Variants in GMDS observed in about 807,000 individuals in gnomAD.
GMDS encodes the protein GDP-mannose 4,6 dehydratase.
Under a neutral mutation model 49.9 loss-of-function variants are expected in GMDS, and 20 were observed. The observed-to-expected ratio is 0.40, with a 90% CI of 0.28 to 0.58. GMDS has a LOEUF of 0.58. GMDS is among the 20% of genes least tolerant of loss of function. The pLI is 0.42. For synonymous variants in GMDS, 177 were observed against 178.6 expected (o/e 0.99, Z 0.07); for missense variants, 362 against 481.4 (o/e 0.75, Z 2.32).
chr6:2,077,697 AG>A (rs1772426261), intron 4 of GMDS, among the ~76,000 whole-genome samples: 1 of 152,244 alleles, frequency 6.6e-6, no homozygotes, highest in East Asian at 1.9e-4. Flanking sequence ...TATTCTGTCG[AG>A]GATTTTTGAA....
At chr6:1,625,875 T>C (rs992367089) in intron 9 of GMDS, among the ~76,000 whole-genome samples, 2 of 152,192 alleles carry the variant, frequency 1.3e-5, no homozygotes, top group African/African-American at 2.4e-5. Flanking sequence ...CGTACGAAAA[T>C]AGCCGATCTT....
At chr6:2,199,849 G>A (rs1424161325) in intron 1 of GMDS, among the ~76,000 whole-genome samples, 2 of 152,188 alleles carry the variant, frequency 1.3e-5, no homozygotes, top group Non-Finnish European at 2.9e-5. Flanking sequence ...ACCAGGTACA[G>A]AGCAGATACA....
chr6:2,209,208 T>C (rs1359816433), intron 1 of GMDS, among the ~76,000 whole-genome samples: 1 of 152,242 alleles, frequency 6.6e-6, no homozygotes, highest in East Asian at 1.9e-4. Context: ...TTTTAAATGA[T>C]GGGAACCCAA....
chr6:1,892,925 G>A (rs560636310), intron 7 of GMDS, among the ~76,000 whole-genome samples: 1 of 152,286 alleles, frequency 6.6e-6, no homozygotes, highest in South Asian at 2.1e-4. Flanking sequence ...CCTGGCAACT[G>A]CTGCCTGGTC....
chr6:2,184,907 C>A (rs2127564178), intron 1 of GMDS, among the ~76,000 whole-genome samples: 1 of 152,254 alleles, frequency 6.6e-6, no homozygotes, highest in Middle Eastern at 3.4e-3. Context: ...AAGCTAATTC[C>A]TTTCACAATA....
chr6:1,653,527 G>A (rs1763780650), intron 9 of GMDS, among the ~76,000 whole-genome samples: 1 of 152,180 alleles, frequency 6.6e-6, no homozygotes, highest in Admixed American at 6.5e-5. Context: ...TAGCAAAGTT[G>A]GAGAGCTCAC....
At chr6:2,068,903 A>T (rs1043310386) in intron 4 of GMDS, among the ~76,000 whole-genome samples, 2 of 152,140 alleles carry the variant, frequency 1.3e-5, no homozygotes, top group African/African-American at 2.4e-5. Context: ...CTTCACAGAA[A>T]TGGAAAAAAC....
intron 7 of GMDS, among the ~76,000 whole-genome samples, chr6:1,871,414 T>C (rs957939457): frequency 6.6e-6 from 1 of 152,218 alleles, no homozygotes; most frequent in Non-Finnish European, 1.5e-5. Flanking sequence ...TTTTAAAAAT[T>C]GCTGTAAAAA....
intron 1 of GMDS, among the ~76,000 whole-genome samples, chr6:2,216,050 G>C (rs1043565358): frequency 1.3e-5 from 2 of 152,040 alleles, no homozygotes; most frequent in Admixed American, 1.3e-4. Flanking sequence ...TTAGAGGATG[G>C]GTATGTGGGG....
intron 4 of GMDS, among the ~76,000 whole-genome samples, chr6:1,965,930 G>C (rs1764235383): frequency 6.6e-6 from 1 of 152,170 alleles, no homozygotes; most frequent in South Asian, 2.1e-4. Flanking sequence ...CGAAAACATG[G>C]AAGGTCCAGA....
At chr6:1,883,124 C>T (rs780914604) in intron 7 of GMDS, among the ~76,000 whole-genome samples, 5 of 152,068 alleles carry the variant, frequency 3.3e-5, no homozygotes, top group Middle Eastern at 3.4e-3. Flanking sequence ...TTTTATGGGC[C>T]GGGTGCGGTG....
intron 7 of GMDS, among the ~76,000 whole-genome samples, chr6:1,927,686 A>T (rs3800139): frequency 6.6e-6 from 1 of 151,794 alleles, no homozygotes; most frequent in Non-Finnish European, 1.5e-5. Flanking sequence ...CTCACAGTGG[A>T]GCTAGCTTGG....
chr6:1,758,527 G>A (rs1768041531), intron 7 of GMDS, among the ~76,000 whole-genome samples: 1 of 152,152 alleles, frequency 6.6e-6, no homozygotes, highest in South Asian at 2.1e-4. Flanking sequence ...AAACGTTAGC[G>A]TGCATTAGAA....
intron 7 of GMDS, among the ~76,000 whole-genome samples, chr6:1,782,457 AAT>A (rs1769137914): frequency 6.6e-6 from 1 of 152,220 alleles, no homozygotes; most frequent in Non-Finnish European, 1.5e-5. Context: ...ATCTTTTAAT[AAT>A]ATCTTTCCAG....
At chr6:2,028,226 AT>A (rs1215713495) in intron 4 of GMDS, among the ~76,000 whole-genome samples, 2 of 152,198 alleles carry the variant, frequency 1.3e-5, no homozygotes, top group Non-Finnish European at 2.9e-5. Context: ...TGCTTAGCAT[AT>A]GACATTGATA....
intron 4 of GMDS, among the ~76,000 whole-genome samples, chr6:1,999,913 TTATATAC>T (rs1483456426): frequency 2.0e-5 from 2 of 97,562 alleles, no homozygotes; most frequent in African/African-American, 3.7e-5. Flanking sequence ...AATATATATA[TTATATAC>T]ATATTATATA....
chr6:1,978,311 G>A (rs1011227894), intron 4 of GMDS, among the ~76,000 whole-genome samples: 2 of 152,148 alleles, frequency 1.3e-5, no homozygotes, highest in African/African-American at 4.8e-5. Flanking sequence ...CCATGCCCAA[G>A]CGCATGTATT....
chr6:1,780,986 G>T (rs1268462825), intron 7 of GMDS, among the ~76,000 whole-genome samples: 1 of 152,034 alleles, frequency 6.6e-6, no homozygotes, highest in Non-Finnish European at 1.5e-5. Flanking sequence ...TGGTCTGTGG[G>T]GAGCGAGTTT....
chr6:2,190,494 T>C (rs757209409), intron 1 of GMDS, among the ~76,000 whole-genome samples: 1 of 152,226 alleles, frequency 6.6e-6, no homozygotes, highest in Non-Finnish European at 1.5e-5. Context: ...GTCTCACTTC[T>C]CATGGGGGAA....
Sources: allele counts gnomAD v4.1 joint callset (sites outside exome capture counted in the v4.1 genomes callset), GRCh38; gene constraint gnomAD v4.1.1; transcripts MANE v1.5; gene names NCBI Gene and HGNC (gene_info 2026-07-23, HGNC 2026-07-21).